WWC1: variants seen among roughly 807,000 people sequenced by gnomAD.
WWC1 encodes the protein WW and C2 domain containing 1.
WWC1 carries 55 observed loss-of-function variants against 138.4 expected under a neutral mutation model. The observed-to-expected ratio is 0.40, with a 90% CI of 0.32 to 0.50. The LOEUF (loss-of-function observed/expected upper bound fraction) is 0.50, where lower values mean the gene tolerates loss of function less well. Among genes scored for constraint, WWC1 ranks in the 20% least tolerant of loss-of-function variants. The pLI is 0.72. For missense variants in WWC1, 1,226 were observed against 1,420.4 expected (o/e 0.86, Z 2.20); for synonymous variants, 524 against 564.9 (o/e 0.93, Z 1.03).
chr5:168,305,397 T>C (rs968691218), intron 1 of WWC1, among the ~76,000 whole-genome samples: 8 of 152,150 alleles, frequency 5.3e-5, no homozygotes, highest in African/African-American at 1.9e-4. Flanking sequence ...CAAATGAAGT[T>C]TAGAAACACC....
chr5:168,412,375 G>T (rs1780294420), intron 8 of WWC1, among the ~76,000 whole-genome samples: 1 of 152,188 alleles, frequency 6.6e-6, no homozygotes, highest in Non-Finnish European at 1.5e-5. Flanking sequence ...GTCAAGTTTT[G>T]TCACACATGC....
intron 2 of WWC1, 57 bp from the exon 3 acceptor site, chr5:168,385,154 A>AC: frequency 6.3e-7 from 1 of 1,594,156 alleles, no homozygotes; most frequent in South Asian, 1.1e-5. Context: ...ACCACAGGCC[A>AC]CCAGCCCAAC....
At chr5:168,349,673 T>C (rs991724966) in intron 1 of WWC1, among the ~76,000 whole-genome samples, 1 of 152,132 alleles carries the variant, frequency 6.6e-6, no homozygotes, top group Non-Finnish European at 1.5e-5. Context: ...AGTGCTTCCT[T>C]CTTTCTCCGT....
intron 21 of WWC1, among the ~76,000 whole-genome samples, chr5:168,467,126 C>T (rs1020436924): frequency 1.7e-4 from 26 of 152,210 alleles, no homozygotes; most frequent in Middle Eastern, 3.4e-3. Flanking sequence ...GGCATGGTGG[C>T]GGGCGCCTGT....
At chr5:168,464,320 T>C (rs1757059835) in intron 20 of WWC1, among the ~76,000 whole-genome samples, 1 of 152,128 alleles carries the variant, frequency 6.6e-6, no homozygotes, top group Admixed American at 6.5e-5. Context: ...AGAACGTACA[T>C]ATGGAGGGTG....
At chr5:168,452,202 G>A (rs931999201) in intron 17 of WWC1, among the ~76,000 whole-genome samples, 3 of 152,100 alleles carry the variant, frequency 2.0e-5, no homozygotes, top group African/African-American at 4.8e-5. Flanking sequence ...TACCACGCCT[G>A]GCCTGTTGGT....
chr5:168,357,502 G>GCT (rs1775547425), intron 1 of WWC1, among the ~76,000 whole-genome samples: 1 of 141,118 alleles, frequency 7.1e-6, no homozygotes, highest in African/African-American at 3.1e-5. Flanking sequence ...GTGCGCGCGC[G>GCT]CACGCATGCA....
intron 1 of WWC1, among the ~76,000 whole-genome samples, chr5:168,339,804 GTT>G (rs35262033): frequency 0.013 from 1,566 of 119,208 alleles, 49 homozygotes; most frequent in East Asian, 0.11. Context: ...CATTCTTTTT[GTT>G]TTTCTTTCTT....
chr5:168,321,183 C>T (rs11949188), intron 1 of WWC1, among the ~76,000 whole-genome samples: 23,286 of 152,042 alleles, frequency 0.15, 2,530 homozygotes, highest in East Asian at 0.42. Flanking sequence ...TTTGTGCCAC[C>T]GGGATTAATT....
rs552872128 is a variant in WWC1 at position 168,294,859 on chromosome 5, C to G, written c.119+2588C>G. ...CAGGCTAGTCTTGAACTCCTGAGCT[C>G]AGGCAATCCGCCCACCTCAGCCTCC... On this transcript the variant is annotated intron_variant, in intron 1 of 22. Transcript: ENST00000265293. Among the ~76,000 whole-genome samples the G allele has an allele frequency of 3.9e-5, 6 of 152,302 alleles. No homozygotes were observed. In the East Asian group the frequency reaches 1.2e-3, roughly 29 times the overall value.
chr5:168,371,723 G>T (rs534717536), intron 2 of WWC1, among the ~76,000 whole-genome samples, 190 bp downstream of exon 2: 1 of 152,232 alleles, frequency 6.6e-6, no homozygotes, highest in South Asian at 2.1e-4. Flanking sequence ...AAAAATAACA[G>T]TTTAGAAGGG....
intron 15 of WWC1, among the ~76,000 whole-genome samples, chr5:168,439,207 G>A (rs1754525100): frequency 6.6e-6 from 1 of 152,028 alleles, no homozygotes; most frequent in South Asian, 2.1e-4. Flanking sequence ...AATATAGCCT[G>A]GCCATCTCTC....
chr5:168,469,007 A>T lies in WWC1; in HGVS notation c.3332A>T (p.Asp1111Val). 6.2e-7 allele frequency: 1 copy of T among 1,614,232 alleles called. No homozygotes were observed. Among genetic ancestry groups the T allele is most frequent in the Non-Finnish European group, 8.5e-7 (1 of 1,180,042 alleles). The change falls in exon 23 of 23, where the codon GAT becomes GTT. Residue 1111 changes from aspartate to valine, a missense_variant. Physicochemically the swap from Asp to Val is radical, Grantham distance 152. This residue lies in a region of WWC1 where 206 missense variants were observed against 247.4 expected (regional missense o/e 0.83). Transcript: ENST00000265293. ...ATGAATATCCCAGCTCTCTCTGCAGATGACGTCTAATCGCCAGAAAAGTAT... is the reference window on the plus strand; with the variant it reads ...ATGAATATCCCAGCTCTCTCTGCAGTTGACGTCTAATCGCCAGAAAAGTAT... ...PRMNIPALSADDV is the reference protein window; with the variant it reads ...PRMNIPALSAVDV
chr5:168,418,369 C>T lies in WWC1; in HGVS notation c.1185-3639C>T, dbSNP rs150833246. Among the ~76,000 whole-genome samples the T allele has an allele frequency of 7.0e-4, 106 of 152,290 alleles. No homozygotes were observed. In the East Asian group the frequency reaches 0.011, roughly 16 times the overall value. On this transcript the variant is annotated intron_variant, in intron 9 of 22. Transcript: ENST00000265293. ...AGGCTCCCTGGCCCACCCCAGGGAC[C>T]GATTCTTCCGGCCTGAGATGCAGCC...
chr5:168,365,656 G>A (rs1263544677), intron 1 of WWC1, among the ~76,000 whole-genome samples: 2 of 152,262 alleles, frequency 1.3e-5, no homozygotes, highest in South Asian at 4.1e-4. Flanking sequence ...GAGGCTTCCA[G>A]CCCCCGGGGT....
intron 8 of WWC1, among the ~76,000 whole-genome samples, chr5:168,410,827 T>C (rs778975593): frequency 6.6e-6 from 1 of 152,130 alleles, no homozygotes; most frequent in South Asian, 2.1e-4. Context: ...ATTATCTCCA[T>C]GTTAGAGAGG....
chr5:168,375,626 A>C (rs566094315), intron 2 of WWC1, among the ~76,000 whole-genome samples: 1 of 151,744 alleles, frequency 6.6e-6, no homozygotes, highest in Non-Finnish European at 1.5e-5. Context: ...CCCAGGCTGG[A>C]GTACAGTGGC....
At chr5:168,423,141 T>TC (rs529490636) in intron 10 of WWC1, among the ~76,000 whole-genome samples, 1,466 of 68,554 alleles carry the variant, frequency 0.021, 65 homozygotes, top group Middle Eastern at 0.058. Flanking sequence ...CAAGACTCCA[T>TC]CCCCCCCCAA....
chr5:168,351,144 CAA>C (rs959882089), intron 1 of WWC1, among the ~76,000 whole-genome samples: 71 of 105,334 alleles, frequency 6.7e-4, no homozygotes, highest in Admixed American at 5.2e-4. Flanking sequence ...GACCTTGTCT[CAA>C]AAAAAAAAAA....
Sources: allele counts gnomAD v4.1 joint callset (sites outside exome capture counted in the v4.1 genomes callset), GRCh38; gene constraint gnomAD v4.1.1; regional missense constraint gnomAD v4.1.1; transcripts MANE v1.5; gene names NCBI Gene and HGNC (gene_info 2026-07-23, HGNC 2026-07-21).